Variants in SLC2A14 observed in about 807,000 individuals in gnomAD.
The protein encoded by SLC2A14 is solute carrier family 2 member 14, also known as solute carrier family 2, facilitated glucose transporter member 14.
A neutral mutation model predicts 43.0 loss-of-function variants in SLC2A14; 13 were observed. The ratio of observed to expected loss-of-function variants is 0.30; its 90% CI spans 0.20 to 0.48. The LOEUF is 0.48. SLC2A14 is among the 20% of genes least tolerant of loss of function. The probability of loss-of-function intolerance (pLI) is 0.99; values close to 1 mark genes in which losing one functional copy is unlikely to be tolerated. For synonymous variants in SLC2A14, 190 were observed against 233.8 expected (o/e 0.81, Z 1.71); for missense variants, 428 against 620.4 (o/e 0.69, Z 3.29).
chr12:7,853,429 C>CA (rs35414391), intron 2 of SLC2A14, among the ~76,000 whole-genome samples: 55,479 of 84,454 alleles, frequency 0.66, 18,692 homozygotes, highest in South Asian at 0.83. Flanking sequence ...GACTCCATTT[C>CA]AAAAAAAAAA....
chr12:7,841,726 G>A (rs1865961112), intron 2 of SLC2A14, among the ~76,000 whole-genome samples: 1 of 152,090 alleles, frequency 6.6e-6, no homozygotes, highest in Non-Finnish European at 1.5e-5. Context: ...CCATGTTCCA[G>A]GCTGGGTGCA....
chr12:7,815,286 C>G (rs1000282057), intron 10 of SLC2A14, among the ~76,000 whole-genome samples: 5 of 151,830 alleles, frequency 3.3e-5, no homozygotes, highest in African/African-American at 1.2e-4. Flanking sequence ...AGTGGTGGCA[C>G]GTGCCTGTAA....
chr12:7,828,680 T>C, intron 6 of SLC2A14, 24 bp downstream of exon 6: 7 of 1,612,948 alleles, frequency 4.3e-6, no homozygotes, highest in Non-Finnish European at 5.9e-6. Flanking sequence ...ATACTTTGTA[T>C]ACTAAAGAGT....
intron 4 of SLC2A14, 69 bp from the exon 5 acceptor site, chr12:7,830,075 C>T (rs1476842146): frequency 6.3e-7 from 1 of 1,584,248 alleles, no homozygotes; most frequent in Non-Finnish European, 8.6e-7. Flanking sequence ...CTCTTCTGTA[C>T]TCATTATTCT....
intron 10 of SLC2A14, among the ~76,000 whole-genome samples, 170 bp from the exon 11 acceptor site, chr12:7,814,704 C>T (rs1863281216): frequency 6.6e-6 from 1 of 151,944 alleles, no homozygotes; most frequent in African/African-American, 2.4e-5. Context: ...TGCTAACTTA[C>T]TATATTTCTC....
At chr12:7,877,527 G>A (rs1481050173), upstream of SLC2A14, among the ~76,000 whole-genome samples, 1 of 151,870 alleles carries the variant, frequency 6.6e-6, no homozygotes, top group Non-Finnish European at 1.5e-5. Context: ...CCAAGTTCAA[G>A]AGATTATCTT....
chr12:7,817,849 C>A lies in SLC2A14; in HGVS notation c.1257G>T (p.Leu419Phe), dbSNP rs1293635984. Residue 419 changes from leucine to phenylalanine, a missense_variant, in exon 10 of 11, where the codon TTG (leucine) becomes TTT (phenylalanine). Transcript: ENST00000431042. ...SNWTSNFLVG[L>F]LFPSAAYYLG... ...TACTTACAGCAGCAGAGGGGAAGAG[C>A]AATCCGACTAGGAAGTTGGAGGTCC... 1 of 1,613,992 alleles carries A rather than the reference C, an allele frequency of 6.2e-7. No homozygotes were observed. Among genetic ancestry groups the A allele is most frequent in the East Asian group, 2.2e-5 (1 of 44,876 alleles).
At chr12:7,836,577 C>T (rs939404558) in intron 2 of SLC2A14, among the ~76,000 whole-genome samples, 2 of 152,124 alleles carry the variant, frequency 1.3e-5, no homozygotes, top group African/African-American at 4.8e-5. Flanking sequence ...CACCTGTAAG[C>T]CCAGCACTTT....
In SLC2A14 at chr12:7,831,764, T is replaced by C. The variant is rs752414599; in HGVS notation, c.112A>G (p.Ile38Val). 12 of 1,614,188 alleles carry C rather than the reference T, an allele frequency of 7.4e-6. No homozygotes were observed. The African/African-American group carries it at 1.5e-4, about 20-fold the overall frequency. The change falls in exon 4 of 11, where the codon ATC (isoleucine) becomes GTC (valine). Residue 38 changes from isoleucine (I) to valine (V), a missense_variant and splice_region_variant. Ile to Val is a conservative substitution (Grantham distance 29, BLOSUM62 3). This residue lies in a region of SLC2A14 where 122 missense variants were observed against 128.8 expected (regional missense o/e 0.95). Coordinates refer to ENST00000431042, the MANE Select transcript of SLC2A14 (RefSeq NM_001286234.2). ...GTTTTATTGATAAATTCCTTTATGATCTGCAAAATAAAAGGTGGGAGGACA... is the reference window on the plus strand; with the variant it reads ...GTTTTATTGATAAATTCCTTTATGACCTGCAAAATAAAAGGTGGGAGGACA... ...NTGVINAPET[I>V]IKEFINKTLT...
intron 9 of SLC2A14, 102 bp from the exon 10 acceptor site, chr12:7,818,136 A>G (rs1863637027): frequency 9.7e-7 from 1 of 1,034,432 alleles, no homozygotes; most frequent in Non-Finnish European, 1.4e-6. Context: ...GTCCTGACGT[A>G]CAATACAAAG....
chr12:7,888,308 G>A (rs1176666819), intron 1 of SLC2A14, among the ~76,000 whole-genome samples: 2 of 152,010 alleles, frequency 1.3e-5, no homozygotes, highest in Non-Finnish European at 2.9e-5. Flanking sequence ...AGTAATGAAA[G>A]AAATAAAGAA....
chr12:7,851,129 G>C (rs761379569), intron 2 of SLC2A14, among the ~76,000 whole-genome samples: 1 of 152,134 alleles, frequency 6.6e-6, no homozygotes, highest in East Asian at 1.9e-4. Context: ...GTTAGAAAAC[G>C]TAAGTATCAG....
intron 1 of SLC2A14, chr12:7,871,504 T>G: frequency 6.2e-6 from 1 of 162,018 alleles, no homozygotes; most frequent in Admixed American, 6.2e-5. Context: ...GGGCTTCGGG[T>G]CCCAGCTCCC....
At chr12:7,839,844 C>T (rs36141788) in intron 2 of SLC2A14, 164,384 of 443,804 alleles carry the variant, frequency 0.37, 31,637 homozygotes, top group South Asian at 0.45. Flanking sequence ...GAGGTCAAGG[C>T]GGGAGGATCG....
chr12:7,851,536 C>A (rs957808238), intron 2 of SLC2A14, among the ~76,000 whole-genome samples: 1 of 152,064 alleles, frequency 6.6e-6, no homozygotes. Context: ...AAATCTCTAG[C>A]TCTAAATATA....
At chr12:7,881,112 G>C (rs1176487514) in intron 1 of SLC2A14, among the ~76,000 whole-genome samples, 1 of 152,142 alleles carries the variant, frequency 6.6e-6, no homozygotes, top group Non-Finnish European at 1.5e-5. Context: ...AGGTGACAGC[G>C]TGCTGGCAGT....
chr12:7,869,893 C>T lies in SLC2A14; in HGVS notation c.-13G>A, dbSNP rs1259810040. 1 of 1,529,532 alleles carries T rather than the reference C, an allele frequency of 6.5e-7. No individual in the cohort carries two copies. Among genetic ancestry groups the T allele is most frequent in the Non-Finnish European group, 8.8e-7 (1 of 1,141,668 alleles). 94.7% of individuals were successfully genotyped at this position (1,529,532 alleles called of 1,614,324 possible). ...GTCTGTTGTCCATCTCTCTGCTATC[C>T]TAGGAATTGACTCCCTCTCCAATTT... On this transcript the variant is annotated 5_prime_UTR_variant, in exon 2 of 11. Coordinates refer to ENST00000431042, the MANE Select transcript of SLC2A14 (RefSeq NM_001286234.2).
intron 1 of SLC2A14, among the ~76,000 whole-genome samples, chr12:7,888,276 C>A (rs113537098): frequency 3.3e-5 from 5 of 152,024 alleles, no homozygotes; most frequent in African/African-American, 1.2e-4. Flanking sequence ...AATCTCCACC[C>A]CAGCAGTCCT....
chr12:7,875,043 ATATT>A (rs1319818923), upstream of SLC2A14, among the ~76,000 whole-genome samples: 5 of 116,928 alleles, frequency 4.3e-5, no homozygotes, highest in Middle Eastern at 3.6e-3. Flanking sequence ...ATATAAATAT[ATATT>A]TATATATAAA....
Sources: gnomAD v4.1 joint callset for allele counts (sites outside exome capture counted in the v4.1 genomes callset) on GRCh38, gnomAD v4.1.1 for gene constraint, gnomAD v4.1.1 regional missense constraint, MANE v1.5 for transcripts, NCBI Gene and HGNC (gene_info 2026-07-23, HGNC 2026-07-21) for gene names.